The following LIPI variants were observed in gnomAD, a reference collection of about 807,000 sequenced individuals.
LIPI encodes the protein lipase member I.
In LIPI, 59 loss-of-function variants were observed where a neutral mutation model predicts 50.6. The observed-to-expected ratio is 1.16, with a 90% CI of 0.94 to 1.45. The LOEUF is 1.45. Ranked by LOEUF, LIPI falls within the 40% of genes most tolerant of loss-of-function variation. LIPI has a pLI of 0.00. For synonymous variants in LIPI, 203 were observed against 178.2 expected, an observed-to-expected ratio of 1.14 and a Z score of -1.11; for missense variants, 586 against 536.3, an observed-to-expected ratio of 1.09 and a Z score of -0.92.
intron 9 of LIPI, among the ~76,000 whole-genome samples, chr21:14,125,432 T>G (rs1249004784): frequency 6.6e-6 from 1 of 152,074 alleles, no homozygotes; most frequent in Non-Finnish European, 1.5e-5. Flanking sequence ...ACAAAAGAGA[T>G]AAAATTTAAT....
intron 3 of LIPI, 58 bp from the exon 4 acceptor site, chr21:14,181,917 C>T (rs1251290406): frequency 9.2e-6 from 8 of 865,438 alleles, no homozygotes; most frequent in African/African-American, 3.3e-5. Flanking sequence ...CCTTACATTG[C>T]ATACTTCCAT....
intron 9 of LIPI, among the ~76,000 whole-genome samples, chr21:14,117,022 C>T (rs371365970): frequency 6.6e-6 from 1 of 152,232 alleles, no homozygotes; most frequent in South Asian, 2.1e-4. Flanking sequence ...ACCCCCCAAA[C>T]TTCACCACAT....
At chr21:14,116,573 G>A (rs372715505) in intron 9 of LIPI, among the ~76,000 whole-genome samples, 3 of 152,274 alleles carry the variant, frequency 2.0e-5, no homozygotes, top group East Asian at 3.9e-4. Context: ...GACCGCAGAG[G>A]CTAAGAACCC....
At chr21:14,136,012 C>T (rs58601465) in intron 9 of LIPI, among the ~76,000 whole-genome samples, 49,631 of 152,006 alleles carry the variant, frequency 0.33, 8,230 homozygotes, top group East Asian at 0.45. Flanking sequence ...CCTAAGGCCC[C>T]GTCTCCCCTG....
At chr21:14,177,750 G>A (rs976064458) in intron 4 of LIPI, among the ~76,000 whole-genome samples, 3 of 151,892 alleles carry the variant, frequency 2.0e-5, no homozygotes, top group African/African-American at 7.3e-5. Context: ...TATATTTCAA[G>A]TCCATAAAAC....
intron 3 of LIPI, among the ~76,000 whole-genome samples, chr21:14,185,561 A>G (rs564998571): frequency 1.0e-3 from 156 of 152,328 alleles, no homozygotes; most frequent in Non-Finnish European, 7.5e-4. Flanking sequence ...ATTTCTATTG[A>G]GTAATTATTG....
chr21:14,196,773 CCATGGT>C (rs2019877084), intron 1 of LIPI, among the ~76,000 whole-genome samples: 1 of 152,032 alleles, frequency 6.6e-6, no homozygotes, highest in African/African-American at 2.4e-5. Context: ...CTGCAGTGAG[CCATGGT>C]AGCACCACTG....
rs377065001 is a variant in LIPI, at chr21:14,191,301, C to T, written c.47-1882G>A. On this transcript the variant is annotated intron_variant, in intron 1 of 9. Transcript: ENST00000681601. ...CTGAGGCAGGAGAATGGCGGGAACCCGGGAGGCGGAGCTTGCAGTGAGCCG... is the reference window on the plus strand; with the variant it reads ...CTGAGGCAGGAGAATGGCGGGAACCTGGGAGGCGGAGCTTGCAGTGAGCCG... Among the ~76,000 whole-genome samples, 62 of 147,372 alleles carry T rather than the reference C, an allele frequency of 4.2e-4. No individual in the cohort carries two copies. In the East Asian group the frequency reaches 8.5e-3, roughly 20 times the overall value.
At position 14,144,783 on chromosome 21, in the gene LIPI, A is replaced by C; in HGVS notation, c.1135T>G (p.Tyr379Asp). The C allele has an allele frequency of 6.4e-7, 1 of 1,574,760 alleles. No homozygotes were observed. Among genetic ancestry groups the C allele is most frequent in the Non-Finnish European group, 8.7e-7 (1 of 1,145,592 alleles). The change falls in exon 9 of 10, where the codon TAT becomes GAT. Residue 379 changes from tyrosine to aspartate, a missense_variant. Transcript: ENST00000681601. ...PRLYEKNKPF[Y>D]KLQEVKILAQ... ...AGAATCTTGACTTCTTGAAGTTTAT[A>C]AAATGGTTTGTTCTTTCTAGAGAGA...
At position 14,199,667 on chromosome 21, in the gene LIPI, A is replaced by G. The variant is rs1235717729; in HGVS notation, c.47-10248T>C. Among the ~76,000 whole-genome samples the G allele has an allele frequency of 2.6e-5, 4 of 151,668 alleles. 1 individual carries two copies. The highest frequency in any genetic ancestry group is 5.9e-5 in the Non-Finnish European group (4 of 67,884). Reference sequence around the variant, plus strand: ...TGTATTCACAGCTGAATTCTACTAGATATAAAAGAAGAGCTGGTACCATTC... The same window carrying G: ...TGTATTCACAGCTGAATTCTACTAGGTATAAAAGAAGAGCTGGTACCATTC... On this transcript the variant is annotated intron_variant, in intron 1 of 9. Transcript: ENST00000681601.
rs1010827068 is a variant in LIPI at position 14,155,102 on chromosome 21, G to T, written c.1007-2418C>A. On this transcript the variant is annotated intron_variant, in intron 7 of 9. Coordinates refer to ENST00000681601, the MANE Select transcript of LIPI (RefSeq NM_001302998.2). Reference sequence around the variant, plus strand: ...AAAACCTTAGCAAAGAAAAAAAGTTGTAAAAGAAAAAATGAAGTTACAGAA... The same window carrying T: ...AAAACCTTAGCAAAGAAAAAAAGTTTTAAAAGAAAAAATGAAGTTACAGAA... Among the ~76,000 whole-genome samples the T allele has an allele frequency of 3.3e-5, 5 of 151,964 alleles. No individual in the cohort carries two copies. In the South Asian group the frequency reaches 1.0e-3, roughly 31 times the overall value.
At chr21:14,109,196 A>T in intron 9 of LIPI, 116 bp from the exon 10 acceptor site, 1 of 796,066 alleles carries the variant, frequency 1.3e-6, no homozygotes, top group Non-Finnish European at 2.1e-6. Context: ...CTAGTTCTCT[A>T]AATGTAGGGA....
At chr21:14,183,515 A>G (rs1161600247) in intron 3 of LIPI, among the ~76,000 whole-genome samples, 1 of 152,228 alleles carries the variant, frequency 6.6e-6, no homozygotes, top group Non-Finnish European at 1.5e-5. Flanking sequence ...CAGCAAAAGA[A>G]ACTACCATCA....
chr21:14,179,262 T>C (rs1221359095), intron 4 of LIPI, among the ~76,000 whole-genome samples: 2 of 151,914 alleles, frequency 1.3e-5, no homozygotes, highest in East Asian at 3.9e-4. Context: ...GTGGTCATTA[T>C]CTAGTATTCA....
intron 1 of LIPI, among the ~76,000 whole-genome samples, chr21:14,210,554 T>G (rs2123369449): frequency 1.3e-5 from 2 of 152,084 alleles, no homozygotes; most frequent in South Asian, 2.1e-4. Context: ...TAAAAAAAGG[T>G]TTTCTAGTTA....
At chr21:14,159,956 A>G (rs889856735) in intron 7 of LIPI, among the ~76,000 whole-genome samples, 6 of 151,430 alleles carry the variant, frequency 4.0e-5, no homozygotes, top group African/African-American at 1.4e-4. Context: ...TGAAAATTGT[A>G]AAATGCTGAC....
intron 9 of LIPI, among the ~76,000 whole-genome samples, chr21:14,123,857 G>C (rs1369729650): frequency 6.6e-6 from 1 of 152,184 alleles, no homozygotes; most frequent in Non-Finnish European, 1.5e-5. Flanking sequence ...AAATAGGCTA[G>C]CATTAGACTA....
chr21:14,123,165 A>G (rs1319230205), intron 9 of LIPI, among the ~76,000 whole-genome samples: 6 of 152,332 alleles, frequency 3.9e-5, no homozygotes, highest in African/African-American at 1.4e-4. Context: ...AAAAACCCCT[A>G]TCATTGGAAG....
At chr21:14,206,554 C>T (rs555771183) in intron 1 of LIPI, among the ~76,000 whole-genome samples, 1 of 150,404 alleles carries the variant, frequency 6.6e-6, no homozygotes, top group Non-Finnish European at 1.5e-5. Context: ...CTACAATCCT[C>T]ACACATCTTA....
Sources: allele counts gnomAD v4.1 joint callset (sites outside exome capture counted in the v4.1 genomes callset), GRCh38; gene constraint gnomAD v4.1.1; transcripts MANE v1.5; gene names NCBI Gene and HGNC (gene_info 2026-07-23, HGNC 2026-07-21).